Variants in AKAP9 observed in about 807,000 individuals in gnomAD.
AKAP9 encodes the protein A-kinase anchor protein 9.
Under a neutral mutation model 488.5 loss-of-function variants are expected in AKAP9, and 311 were observed. The ratio of observed to expected loss-of-function variants is 0.64; its 90% CI spans 0.58 to 0.70. The LOEUF (loss-of-function observed/expected upper bound fraction) is 0.70. Ranked by LOEUF, AKAP9 falls within the 30% of genes least tolerant of loss-of-function variation. The probability of loss-of-function intolerance (pLI) is 0.00; values close to 1 mark genes in which losing one functional copy is unlikely to be tolerated. For missense variants in AKAP9, 4,215 were observed against 4,374.5 expected (o/e 0.96, Z 1.03); for synonymous variants, 1,462 against 1,483.5 (o/e 0.99, Z 0.33).
chr7:91,973,582 T>C (rs1584648917), intron 1 of AKAP9, 129 bp from the exon 2 acceptor site: 1 of 1,002,714 alleles, frequency 1.0e-6, no homozygotes, highest in South Asian at 1.6e-5. Flanking sequence ...TAATAATTGT[T>C]CTTTATTTTT....
intron 38 of AKAP9, 70 bp downstream of exon 38, chr7:92,089,599 T>C (rs1815192413): frequency 2.7e-6 from 4 of 1,485,192 alleles, no homozygotes; most frequent in East Asian, 2.4e-5. Flanking sequence ...TTCTTTCTTA[T>C]TATTATTAAG....
intron 1 of AKAP9, among the ~76,000 whole-genome samples, chr7:91,943,580 A>G (rs186619169): frequency 9.2e-5 from 14 of 152,160 alleles, no homozygotes; most frequent in African/African-American, 3.4e-4. Context: ...GATTTGGGGG[A>G]TATTCTTCCA....
rs184460068 is a variant in AKAP9, at chr7:92,095,186, T to C, written c.9729+13T>C. ...AGAAGAACTTGAGGTACTGTTATCT[T>C]TGTCTTTAAATGTCTGGAAAATCCA... On this transcript the variant is annotated intron_variant, in intron 40 of 49. Coordinates refer to ENST00000356239, the MANE Select transcript of AKAP9 (RefSeq NM_005751.5). 3 of 1,614,130 alleles carry C rather than the reference T, an allele frequency of 1.9e-6. No individual in the cohort carries two copies. The highest frequency in any genetic ancestry group is 3.3e-5 in the Admixed American group (2 of 60,024).
At chr7:92,110,064 C>T in intron 49 of AKAP9, 58 bp from the exon 50 acceptor site, 1 of 1,297,736 alleles carries the variant, frequency 7.7e-7, no homozygotes, top group Non-Finnish European at 1.1e-6. Context: ...TCTGGTGGGT[C>T]TGATACAGGT....
chr7:92,089,561 C>T, intron 38 of AKAP9, 32 bp downstream of exon 38: 1 of 1,605,112 alleles, frequency 6.2e-7, no homozygotes. Context: ...TATGGTTACA[C>T]AAACAGGTGA....
At chr7:92,098,484 C>T (rs955371494) in intron 43 of AKAP9, among the ~76,000 whole-genome samples, 1 of 152,170 alleles carries the variant, frequency 6.6e-6, no homozygotes, top group Non-Finnish European at 1.5e-5. Flanking sequence ...AGTGATCTGG[C>T]TTCTATCCTG....
intron 4 of AKAP9, among the ~76,000 whole-genome samples, chr7:91,992,661 C>CAAAAA (rs770870521): frequency 8.6e-5 from 4 of 46,626 alleles, no homozygotes; most frequent in Non-Finnish European, 8.9e-5. Context: ...AAGACTCTGT[C>CAAAAA]AAAAAAAAAA....
At chr7:92,086,998 G>A (rs905011153) in intron 37 of AKAP9, among the ~76,000 whole-genome samples, 6 of 152,064 alleles carry the variant, frequency 3.9e-5, no homozygotes, top group African/African-American at 1.4e-4. Flanking sequence ...TACTTTTGGG[G>A]GCCATTCTAA....
rs1797418841 is a variant in AKAP9 at position 91,988,777 on chromosome 7, T to TA, written c.352-3378dup. Among the ~76,000 whole-genome samples the TA allele has an allele frequency of 2.0e-5, 3 of 152,304 alleles. No individual in the cohort carries two copies. The East Asian group carries it at 5.8e-4, about 29-fold the overall frequency. ...ACTGTATGAACCTGGGCACATCACT[T>TA]AAACTCTGAAATACAGTTTGTTTTT... On this transcript the variant is annotated intron_variant, in intron 3 of 49. Transcript: ENST00000356239.
In AKAP9 at chr7:92,079,408, G is replaced by A. The variant is rs61757672; in HGVS notation, c.7275G>A (p.Gln2425=). The change falls in exon 31 of 50, where the codon CAG becomes CAA. Residue 2425 remains glutamine, a synonymous_variant. Coordinates refer to ENST00000356239, the MANE Select transcript of AKAP9 (RefSeq NM_005751.5). The part of the protein sequence containing the change: ...VLKETNFKMN[Q]LTQELFSLKR... ...AAGAAACCAATTTTAAAATGAATCA[G>A]CTAACACAGGAATTATTCAGCTTAA... 4.8e-3 allele frequency: 7,688 copies of A among 1,614,020 alleles called. 29 individuals are homozygous for A. The highest frequency in any genetic ancestry group is 5.7e-3 in the Non-Finnish European group (6,708 of 1,179,976).
At chr7:92,023,383 G>C (rs887746187) in intron 14 of AKAP9, among the ~76,000 whole-genome samples, 10 of 152,166 alleles carry the variant, frequency 6.6e-5, no homozygotes, top group Admixed American at 5.9e-4. Context: ...AGTCATGGCA[G>C]GGTTTCCTCC....
chr7:91,989,934 C>T (rs1222761087), intron 3 of AKAP9, among the ~76,000 whole-genome samples: 1 of 152,048 alleles, frequency 6.6e-6, no homozygotes, highest in African/African-American at 2.4e-5. Flanking sequence ...TTTATAGTCA[C>T]ATAGTGAAAG....
In AKAP9 at chr7:92,086,319, G is replaced by A; in HGVS notation, c.9116G>A (p.Ser3039Asn). The A allele has an allele frequency of 6.2e-7, 1 of 1,614,134 alleles. No homozygotes were observed. The highest frequency in any genetic ancestry group is 1.1e-5 in the South Asian group (1 of 91,084). The change falls in exon 37 of 50, where the codon AGT becomes AAT. Residue 3039 changes from serine (S) to asparagine (N), a missense_variant. By Grantham distance (46) the Ser-to-Asn change is conservative. This residue lies in a region of AKAP9 where 1,476 missense variants were observed against 1,477.4 expected (regional missense o/e 1.00). Coordinates refer to ENST00000356239, the MANE Select transcript of AKAP9 (RefSeq NM_005751.5). The stretch of plus-strand genomic sequence containing the variant: ...CAACAAGTTTTCTTAGAAGAGCGTA[G>A]TGTTTTACTAGCAGCATTTCGGACG... ...ALQQVFLEER[S>N]VLLAAFRTEL...
At chr7:92,106,895 C>T (rs1175619513) in intron 47 of AKAP9, among the ~76,000 whole-genome samples, 1 of 152,136 alleles carries the variant, frequency 6.6e-6, no homozygotes, top group Non-Finnish European at 1.5e-5. Flanking sequence ...GTTAGCAAAT[C>T]TTGGTTTCAA....
At chr7:92,097,873 A>G (rs1410705572) in intron 42 of AKAP9, 79 bp downstream of exon 42, 2 of 1,399,198 alleles carry the variant, frequency 1.4e-6, no homozygotes, top group Non-Finnish European at 2.0e-6. Context: ...ACAGCTAGCC[A>G]AGGGTGGGGA....
chr7:91,940,878 G>T lies in AKAP9; in HGVS notation c.-222G>T. 1 of 597,410 alleles carries T rather than the reference G, an allele frequency of 1.7e-6. No individual in the cohort carries two copies. The highest frequency in any genetic ancestry group is 3.0e-6 in the Non-Finnish European group (1 of 332,120). The allele number at this position is 597,410 out of a possible 1,614,324, so 37.0% of individuals were successfully genotyped here. ...CCTCGCCGTGTGTTTACGTGGAGAC[G>T]AAGATGGCGGCGGCGGCGGCGGTGA... On this transcript the variant is annotated 5_prime_UTR_variant, in exon 1 of 50. Transcript: ENST00000356239.
chr7:92,027,193 T>C (rs4263686), intron 14 of AKAP9, among the ~76,000 whole-genome samples: 113,485 of 135,728 alleles, frequency 0.84, 46,909 homozygotes, highest in African/African-American at 0.94. Context: ...AAGTGAGGAG[T>C]GCCTCTGCCC....
At chr7:92,094,885 G>A in intron 39 of AKAP9, 138 bp from the exon 40 acceptor site, 1 of 709,792 alleles carries the variant, frequency 1.4e-6, no homozygotes, top group Non-Finnish European at 2.4e-6. Flanking sequence ...CCCCAGTCAA[G>A]AATCTTTAAT....
intron 21 of AKAP9, 112 bp downstream of exon 21, chr7:92,045,325 G>A (rs1241501030): frequency 9.6e-7 from 1 of 1,039,384 alleles, no homozygotes; most frequent in African/African-American, 1.6e-5. Context: ...TCCAGCAAAT[G>A]GACCTTCAAA....
Sources: allele counts gnomAD v4.1 joint callset (sites outside exome capture counted in the v4.1 genomes callset), GRCh38; gene constraint gnomAD v4.1.1; regional missense constraint gnomAD v4.1.1; transcripts MANE v1.5; gene names NCBI Gene and HGNC (gene_info 2026-07-23, HGNC 2026-07-21).